The following NCKAP5 variants were observed in gnomAD, a reference collection of about 807,000 sequenced individuals.
NCKAP5 encodes nck-associated protein 5.
Under a neutral mutation model 167.0 loss-of-function variants are expected in NCKAP5, and 92 were observed. That is an observed-to-expected ratio of 0.55 (90% CI 0.47 to 0.66). The LOEUF (loss-of-function observed/expected upper bound fraction) is 0.66, where lower values mean the gene tolerates loss of function less well. Among genes scored for constraint, NCKAP5 ranks in the 30% least tolerant of loss-of-function variants. NCKAP5 has a pLI of 0.00. For synonymous variants in NCKAP5, 891 were observed against 877.4 expected (o/e 1.02, Z -0.27); for missense variants, 2,378 against 2,315.0 (o/e 1.03, Z -0.56).
chr2:132,864,211 G>A (rs544965011), intron 10 of NCKAP5, among the ~76,000 whole-genome samples: 1 of 152,216 alleles, frequency 6.6e-6, no homozygotes, highest in African/African-American at 2.4e-5. Flanking sequence ...TTTCTTCTAT[G>A]ACTTCCTGGC....
At chr2:133,568,652 TC>T (rs1339042578), upstream of NCKAP5, among the ~76,000 whole-genome samples, 4 of 152,322 alleles carry the variant, frequency 2.6e-5, no homozygotes, top group South Asian at 8.3e-4. Flanking sequence ...TCCCATTGAT[TC>T]ACATTTTTGA....
intron 19 of NCKAP5, among the ~76,000 whole-genome samples, chr2:132,725,265 C>G (rs1308489789): frequency 6.6e-6 from 1 of 152,180 alleles, no homozygotes; most frequent in Non-Finnish European, 1.5e-5. Flanking sequence ...TAGCAGAGAG[C>G]CTGGAAAACT....
chr2:133,310,558 C>T lies in NCKAP5; in HGVS notation c.70-7448G>A, dbSNP rs879218826. Among the ~76,000 whole-genome samples the T allele has an allele frequency of 1.4e-4, 22 of 152,212 alleles. 1 individual carries two copies. The highest frequency in any genetic ancestry group is 4.6e-4 in the African/African-American group (19 of 41,458). ...CTGGTATTCTCTGAAAGTGTCTCCCCGTATTCCATCACTCTGAGGTCCAGC... is the reference window on the plus strand; with the variant it reads ...CTGGTATTCTCTGAAAGTGTCTCCCTGTATTCCATCACTCTGAGGTCCAGC... On this transcript the variant is annotated intron_variant, in intron 3 of 19. Transcript: ENST00000409261.
intron 11 of NCKAP5, among the ~76,000 whole-genome samples, chr2:132,822,372 G>A (rs150123799): frequency 1.6e-3 from 238 of 152,304 alleles, no homozygotes; most frequent in African/African-American, 4.2e-3. Flanking sequence ...AAGATGGACC[G>A]CATCACAGGA....
the NCKAP5 span, among the ~76,000 whole-genome samples, chr2:133,665,132 T>G: frequency 2.0e-5 from 3 of 152,338 alleles, no homozygotes; most frequent in African/African-American, 7.2e-5. Context: ...CCTGTTTCAC[T>G]TTTTGGTGTT....
intron 3 of NCKAP5, among the ~76,000 whole-genome samples, chr2:133,485,617 C>A (rs182150784): frequency 6.6e-6 from 1 of 152,298 alleles, no homozygotes; most frequent in Admixed American, 6.5e-5. Context: ...ATCAGCTTCA[C>A]ATAGAAAAAG....
chr2:133,266,250 A>C (rs990667795), intron 4 of NCKAP5: 3 of 152,308 alleles, frequency 2.0e-5, no homozygotes, highest in Non-Finnish European at 4.4e-5. Context: ...GAGAGCCCCT[A>C]ACCTCGCCCC....
the NCKAP5 span, among the ~76,000 whole-genome samples, chr2:133,609,271 C>CTGT: frequency 1.3e-5 from 2 of 152,168 alleles, no homozygotes; most frequent in East Asian, 3.9e-4. Flanking sequence ...AAAATATTAT[C>CTGT]TGTTGTTGTT....
At chr2:132,873,644 GA>G (rs909437795) in intron 9 of NCKAP5, among the ~76,000 whole-genome samples, 2 of 152,178 alleles carry the variant, frequency 1.3e-5, no homozygotes, top group African/African-American at 4.8e-5. Context: ...GGTGAACAGT[GA>G]ACCCTAGTCT....
At chr2:132,874,895 GT>G in intron 9 of NCKAP5, among the ~76,000 whole-genome samples, 1 of 150,406 alleles carries the variant, frequency 6.6e-6, no homozygotes, top group East Asian at 2.0e-4. Context: ...CTGGGATATG[GT>G]TTATTTTATT....
At chr2:133,130,614 T>C (rs1037303255) in intron 5 of NCKAP5, among the ~76,000 whole-genome samples, 16 of 152,220 alleles carry the variant, frequency 1.1e-4, no homozygotes, top group African/African-American at 3.1e-4. Context: ...TTTCATTTTG[T>C]CCAGTTAGGT....
intron 3 of NCKAP5, among the ~76,000 whole-genome samples, chr2:133,319,200 C>T (rs1553615114): frequency 7.2e-6 from 1 of 138,410 alleles, no homozygotes; most frequent in Non-Finnish European, 1.5e-5. Context: ...TCATTTGACG[C>T]TATAGTGAAT....
At chr2:133,278,850 A>G (rs1321727212) in intron 4 of NCKAP5, among the ~76,000 whole-genome samples, 3 of 151,894 alleles carry the variant, frequency 2.0e-5, no homozygotes, top group Non-Finnish European at 2.9e-5. Flanking sequence ...AAAGTTGGCT[A>G]TAGTCATGGG....
the NCKAP5 span, among the ~76,000 whole-genome samples, chr2:133,657,255 C>T: frequency 6.6e-6 from 1 of 152,166 alleles, no homozygotes; most frequent in South Asian, 2.1e-4. Flanking sequence ...CTTGCCCATG[C>T]CCCTCTGTAA....
At chr2:132,820,071 T>C (rs1686590084) in intron 11 of NCKAP5, among the ~76,000 whole-genome samples, 2 of 152,178 alleles carry the variant, frequency 1.3e-5, no homozygotes, top group Non-Finnish European at 2.9e-5. Flanking sequence ...ATAGGTGTCC[T>C]AGGTATTCCC....
intron 4 of NCKAP5, among the ~76,000 whole-genome samples, chr2:133,253,197 C>T (rs577708731): frequency 6.6e-6 from 1 of 152,216 alleles, no homozygotes; most frequent in Non-Finnish European, 1.5e-5. Flanking sequence ...AAATGTAACC[C>T]AGGTTCAGCT....
At chr2:133,211,036 C>T (rs527724444) in intron 5 of NCKAP5, among the ~76,000 whole-genome samples, 5 of 136,564 alleles carry the variant, frequency 3.7e-5, no homozygotes, top group African/African-American at 1.3e-4. Flanking sequence ...CTCTTTTACT[C>T]TTCACCTTCT....
intron 5 of NCKAP5, among the ~76,000 whole-genome samples, chr2:133,132,481 G>GCGCA (rs1553546861): frequency 2.9e-3 from 383 of 130,054 alleles, no homozygotes; most frequent in African/African-American, 0.011. Context: ...GAAAAAAAAA[G>GCGCA]CACACACACA....
chr2:133,396,321 T>C (rs771993059), intron 3 of NCKAP5, among the ~76,000 whole-genome samples: 1 of 152,112 alleles, frequency 6.6e-6, no homozygotes, highest in Non-Finnish European at 1.5e-5. Context: ...TCCATTTACC[T>C]GGCCTCAGCT....
Sources: allele counts gnomAD v4.1 joint callset (sites outside exome capture counted in the v4.1 genomes callset), GRCh38; gene constraint gnomAD v4.1.1; transcripts MANE v1.5; gene names NCBI Gene and HGNC (gene_info 2026-07-23, HGNC 2026-07-21).